AUH: variants seen among roughly 807,000 people sequenced by gnomAD.
AUH encodes methylglutaconyl-CoA hydratase, mitochondrial.
In AUH, 29 loss-of-function variants were observed where a neutral mutation model predicts 42.3. The ratio of observed to expected loss-of-function variants is 0.69; its 90% CI spans 0.51 to 0.93. AUH has a LOEUF of 0.93. Among genes scored for constraint, AUH ranks in the 40% least tolerant of loss-of-function variants. AUH has a pLI of 0.00. For synonymous variants in AUH, 174 were observed against 166.4 expected (o/e 1.05, Z -0.35); for missense variants, 452 against 438.1 (o/e 1.03, Z -0.28).
chr9:91,231,310 C>T (rs185483388), intron 6 of AUH, among the ~76,000 whole-genome samples: 12 of 152,258 alleles, frequency 7.9e-5, no homozygotes, highest in Admixed American at 7.2e-4. Flanking sequence ...GGGAGTGACC[C>T]GATTTTCCAG....
intron 4 of AUH, among the ~76,000 whole-genome samples, chr9:91,312,094 A>T (rs1254095089): frequency 2.0e-5 from 3 of 152,162 alleles, no homozygotes; most frequent in Non-Finnish European, 4.4e-5. Context: ...AGATACTAGG[A>T]ACAATAAAGT....
intron 9 of AUH, among the ~76,000 whole-genome samples, chr9:91,215,208 C>T (rs1393726655): frequency 6.6e-6 from 1 of 151,784 alleles, no homozygotes; most frequent in African/African-American, 2.4e-5. Flanking sequence ...CAGAGAAAGA[C>T]AAAAAAGGGA....
At chr9:91,297,109 G>A (rs577706416) in intron 5 of AUH, among the ~76,000 whole-genome samples, 1 of 152,296 alleles carries the variant, frequency 6.6e-6, no homozygotes, top group East Asian at 1.9e-4. Flanking sequence ...CGATGAATAT[G>A]GGAGATCAGT....
In AUH at chr9:91,361,665, G is replaced by T; in HGVS notation, c.225C>A (p.Asp75Glu). Residue 75 changes from aspartate to glutamate, a missense_variant, in exon 1 of 10, where the codon GAC becomes GAA. Transcript: ENST00000375731. ...CCTCCAGGTGCCGCACCCGCAGCTC[G>T]TCCTCCGTCTTCATCTCAGAGCTGT... ...RGYSSEMKTE[D>E]ELRVRHLEEE... is the part of the protein sequence containing the mutation. The T allele has an allele frequency of 6.3e-7, 1 of 1,581,560 alleles. No individual in the cohort carries two copies. The highest frequency in any genetic ancestry group is 8.6e-7 in the Non-Finnish European group (1 of 1,164,028).
intron 4 of AUH, chr9:91,306,521 G>A (rs1182318425): frequency 3.9e-6 from 1 of 257,922 alleles, no homozygotes; most frequent in Non-Finnish European, 6.1e-6. Context: ...TAAACTCTCA[G>A]GCTCTGTAAC....
intron 3 of AUH, among the ~76,000 whole-genome samples, chr9:91,332,900 C>A (rs1004606907): frequency 6.6e-6 from 1 of 152,124 alleles, no homozygotes; most frequent in African/African-American, 2.4e-5. Context: ...ACACAAAAAC[C>A]CTCACTGTGC....
At position 91,353,029 on chromosome 9, in the gene AUH, T is replaced by C. The variant is rs138800705; in HGVS notation, c.418+2854A>G. Among the ~76,000 whole-genome samples the C allele has an allele frequency of 5.6e-4, 85 of 152,210 alleles. No homozygotes were observed. In the South Asian group the frequency reaches 0.013, roughly 23 times the overall value. ...GAAAAAGAAGAGGGAAAATGATGACTTTCAAGGGATGGAGAAGAGGCTAAA... is the reference window on the plus strand; with the variant it reads ...GAAAAAGAAGAGGGAAAATGATGACCTTCAAGGGATGGAGAAGAGGCTAAA... On this transcript the variant is annotated intron_variant, in intron 3 of 9. Transcript: ENST00000375731.
chr9:91,307,993 G>GT (rs1828361347), intron 4 of AUH, among the ~76,000 whole-genome samples: 3 of 152,132 alleles, frequency 2.0e-5, no homozygotes, highest in African/African-American at 7.2e-5. Context: ...AATACACTAC[G>GT]TAAGTGTAAT....
chr9:91,328,770 C>G (rs1229407516), intron 3 of AUH, among the ~76,000 whole-genome samples: 4 of 152,320 alleles, frequency 2.6e-5, no homozygotes, highest in Admixed American at 2.0e-4. Context: ...TTAACATCTT[C>G]ACTGAAGAAT....
At chr9:91,261,295 T>C (rs1441981684) in intron 6 of AUH, among the ~76,000 whole-genome samples, 1 of 152,230 alleles carries the variant, frequency 6.6e-6, no homozygotes, top group Non-Finnish European at 1.5e-5. Flanking sequence ...CTTTTGGGAC[T>C]TGTTTCTAAG....
chr9:91,279,402 G>A (rs1248486920), intron 6 of AUH, among the ~76,000 whole-genome samples: 2 of 152,142 alleles, frequency 1.3e-5, no homozygotes, highest in Admixed American at 1.3e-4. Context: ...GGCTATTTGT[G>A]TTGCTATAAA....
intron 6 of AUH, among the ~76,000 whole-genome samples, chr9:91,259,186 A>G (rs1829569202): frequency 6.6e-6 from 1 of 152,190 alleles, no homozygotes; most frequent in South Asian, 2.1e-4. Context: ...TACAAATTCA[A>G]TTTCTTAAAA....
intron 6 of AUH, among the ~76,000 whole-genome samples, chr9:91,274,041 T>G (rs894514217): frequency 1.4e-4 from 21 of 152,216 alleles, no homozygotes; most frequent in Non-Finnish European, 3.1e-4. Context: ...AGGTGTTATG[T>G]AGGGCAGGGA....
intron 6 of AUH, among the ~76,000 whole-genome samples, chr9:91,227,252 TG>T (rs559883795): frequency 6.8e-6 from 1 of 147,758 alleles, no homozygotes; most frequent in African/African-American, 2.4e-5. Context: ...TAGTTCTCCT[TG>T]AAGAGGTCGT....
At chr9:91,354,344 C>G (rs930105977) in intron 3 of AUH, among the ~76,000 whole-genome samples, 1 of 152,032 alleles carries the variant, frequency 6.6e-6, no homozygotes, top group Admixed American at 6.5e-5. Flanking sequence ...CCTGATTGTA[C>G]GAAAGTTTAA....
intron 6 of AUH, among the ~76,000 whole-genome samples, chr9:91,232,197 C>T (rs1185352675): frequency 6.6e-6 from 1 of 151,972 alleles, no homozygotes; most frequent in Non-Finnish European, 1.5e-5. Flanking sequence ...CCAGCCTGGC[C>T]AACGTAACAA....
intron 4 of AUH, among the ~76,000 whole-genome samples, chr9:91,318,394 T>G (rs1397452754): frequency 6.6e-6 from 1 of 152,194 alleles, no homozygotes; most frequent in Non-Finnish European, 1.5e-5. Context: ...TGTGTTTTCT[T>G]TTGTCTCTAA....
At chr9:91,298,498 A>G (rs1827526741) in intron 4 of AUH, among the ~76,000 whole-genome samples, 1 of 152,246 alleles carries the variant, frequency 6.6e-6, no homozygotes, top group African/African-American at 2.4e-5. Flanking sequence ...TTGGAATGAC[A>G]GAGTCTCATT....
At chr9:91,337,270 G>A (rs114560083) in intron 3 of AUH, among the ~76,000 whole-genome samples, 94 of 152,276 alleles carry the variant, frequency 6.2e-4, no homozygotes, top group African/African-American at 2.1e-3. Context: ...GTTGAGATCT[G>A]ATGAAGAGTT....
Sources: gnomAD v4.1 joint callset for allele counts (sites outside exome capture counted in the v4.1 genomes callset) on GRCh38, gnomAD v4.1.1 for gene constraint, MANE v1.5 for transcripts, NCBI Gene and HGNC (gene_info 2026-07-23, HGNC 2026-07-21) for gene names.